EYA2: variants seen among roughly 807,000 people sequenced by gnomAD.
The protein encoded by EYA2 is protein phosphatase EYA2.
EYA2 carries 31 observed loss-of-function variants against 69.2 expected under a neutral mutation model. That is an observed-to-expected ratio of 0.45 (90% CI 0.34 to 0.60). The LOEUF (loss-of-function observed/expected upper bound fraction) is 0.60, where lower values mean the gene tolerates loss of function less well. EYA2 is among the 20% of genes least tolerant of loss of function. EYA2 has a pLI of 0.02. For synonymous variants in EYA2, 257 were observed against 279.4 expected (o/e 0.92, Z 0.80); for missense variants, 622 against 701.2 (o/e 0.89, Z 1.28).
At chr20:46,925,652 A>C (rs1985382523) in intron 1 of EYA2, among the ~76,000 whole-genome samples, 1 of 152,232 alleles carries the variant, frequency 6.6e-6, no homozygotes, top group Non-Finnish European at 1.5e-5. Context: ...GAACAATTTC[A>C]AAGTTTATGA....
At chr20:47,148,061 A>AAAAAAAG (rs2033744420) in intron 10 of EYA2, among the ~76,000 whole-genome samples, 2 of 147,182 alleles carry the variant, frequency 1.4e-5, no homozygotes, top group Non-Finnish European at 3.0e-5. Context: ...TCTGTCTCAA[A>AAAAAAAG]AAAAAAAAAA....
intron 12 of EYA2, among the ~76,000 whole-genome samples, chr20:47,173,225 C>G (rs1334162937): frequency 6.6e-6 from 1 of 152,152 alleles, no homozygotes; most frequent in African/African-American, 2.4e-5. Context: ...TGCAGATTCT[C>G]TGGCCCTACC....
At chr20:46,989,004 C>T (rs1316998920) in intron 1 of EYA2, among the ~76,000 whole-genome samples, 2 of 152,018 alleles carry the variant, frequency 1.3e-5, no homozygotes, top group African/African-American at 4.8e-5. Context: ...CCATGCCTGG[C>T]CAGAATTTAG....
chr20:46,946,333 G>A (rs1451657883), intron 1 of EYA2, among the ~76,000 whole-genome samples: 1 of 152,198 alleles, frequency 6.6e-6, no homozygotes, highest in Non-Finnish European at 1.5e-5. Flanking sequence ...AACATTTATG[G>A]AGCACGTTTT....
intron 4 of EYA2, among the ~76,000 whole-genome samples, chr20:47,013,878 A>T (rs1983240348): frequency 6.6e-6 from 1 of 152,218 alleles, no homozygotes; most frequent in African/African-American, 2.4e-5. Context: ...TGTTGTTACT[A>T]AAGTCTGGCA....
At chr20:47,106,691 C>T (rs114330955) in intron 9 of EYA2, among the ~76,000 whole-genome samples, 30 of 152,230 alleles carry the variant, frequency 2.0e-4, no homozygotes, top group African/African-American at 7.2e-4. Flanking sequence ...GACTGTCACT[C>T]TCTTAGGTTT....
intron 10 of EYA2, among the ~76,000 whole-genome samples, chr20:47,164,421 G>A (rs563212176): frequency 1.3e-5 from 2 of 152,194 alleles, no homozygotes; most frequent in Non-Finnish European, 2.9e-5. Flanking sequence ...CCTGCCCAGA[G>A]GCCTGAGCCC....
chr20:47,057,252 A>G (rs1198486618), intron 5 of EYA2, among the ~76,000 whole-genome samples: 2 of 152,176 alleles, frequency 1.3e-5, no homozygotes, highest in East Asian at 1.9e-4. Flanking sequence ...CAGCTGAGTG[A>G]ATGAAAGGTT....
chr20:46,920,975 T>C (rs1985153524), intron 1 of EYA2, among the ~76,000 whole-genome samples: 1 of 152,256 alleles, frequency 6.6e-6, no homozygotes, highest in Admixed American at 6.5e-5. Context: ...ATGCCCCTCA[T>C]CTAACTGCTA....
intron 5 of EYA2, among the ~76,000 whole-genome samples, chr20:47,017,793 G>A (rs967739574): frequency 1.4e-4 from 21 of 152,312 alleles, no homozygotes; most frequent in African/African-American, 4.8e-4. Flanking sequence ...TCACAGAAGA[G>A]GAAACTGAGG....
At chr20:46,999,143 ATGT>A (rs1231105480) in intron 2 of EYA2, among the ~76,000 whole-genome samples, 1 of 152,232 alleles carries the variant, frequency 6.6e-6, no homozygotes, top group Non-Finnish European at 1.5e-5. Flanking sequence ...GCCCATAGGA[ATGT>A]TGTTCCCATA....
chr20:46,937,562 T>C (rs1374920048), intron 1 of EYA2, among the ~76,000 whole-genome samples: 6 of 152,150 alleles, frequency 3.9e-5, no homozygotes, highest in African/African-American at 1.4e-4. Flanking sequence ...AGAGTGGCCC[T>C]GTTGTTTGCA....
chr20:46,901,544 G>A (rs1266780490), intron 1 of EYA2: 6 of 152,206 alleles, frequency 3.9e-5, no homozygotes, highest in Admixed American at 2.0e-4. Flanking sequence ...GGGAGAAAAC[G>A]TCCTCTTCGG....
intron 10 of EYA2, among the ~76,000 whole-genome samples, chr20:47,144,639 G>A (rs6094606): frequency 6.6e-6 from 1 of 152,028 alleles, no homozygotes; most frequent in African/African-American, 2.4e-5. Flanking sequence ...CTTGTGTTTT[G>A]TCTAATCTAT....
intron 1 of EYA2, among the ~76,000 whole-genome samples, chr20:46,955,652 G>A (rs1979078028): frequency 6.9e-6 from 1 of 143,968 alleles, no homozygotes; most frequent in African/African-American, 2.5e-5. Flanking sequence ...CAAATTCATA[G>A]AGTTTTCTTT....
chr20:46,958,832 T>A (rs1322326086), intron 1 of EYA2, among the ~76,000 whole-genome samples: 2 of 152,214 alleles, frequency 1.3e-5, no homozygotes, highest in Non-Finnish European at 2.9e-5. Context: ...CTAAGGGTAA[T>A]GGCCTCAAGC....
At chr20:47,156,127 CATATATAT>C (rs752111640) in intron 10 of EYA2, among the ~76,000 whole-genome samples, 129 of 14,294 alleles carry the variant, frequency 9.0e-3, no homozygotes, top group Admixed American at 0.016. Flanking sequence ...CACACACACA[CATATATAT>C]ATATATATAT....
chr20:47,104,686 C>G (rs1423997228), intron 9 of EYA2, among the ~76,000 whole-genome samples: 1 of 152,180 alleles, frequency 6.6e-6, no homozygotes, highest in African/African-American at 2.4e-5. Flanking sequence ...GTTGAAAAGA[C>G]TCTTCTTTCC....
At chr20:47,179,765 C>T (rs368292033) in intron 12 of EYA2, 33 bp from the exon 13 acceptor site, 50 of 1,483,520 alleles carry the variant, frequency 3.4e-5, no homozygotes, top group Middle Eastern at 3.4e-4. Flanking sequence ...CTTTCTAATA[C>T]GATGACTACA....
Sources: allele counts gnomAD v4.1 joint callset (sites outside exome capture counted in the v4.1 genomes callset), GRCh38; gene constraint gnomAD v4.1.1; transcripts MANE v1.5; gene names NCBI Gene and HGNC (gene_info 2026-07-23, HGNC 2026-07-21).